The following CSMD1 variants were observed in gnomAD, a reference collection of about 807,000 sequenced individuals.
CSMD1 encodes the protein CUB and sushi domain-containing protein 1.
CSMD1 carries 213 observed loss-of-function variants against 417.5 expected under a neutral mutation model. The ratio of observed to expected loss-of-function variants is 0.51; its 90% CI spans 0.46 to 0.57. The LOEUF is 0.57. Ranked by LOEUF, CSMD1 falls within the 20% of genes least tolerant of loss-of-function variation. CSMD1 has a pLI of 0.00. For synonymous variants in CSMD1, 2,862 were observed against 1,736.8 expected (o/e 1.65, Z -16.11); for missense variants, 6,923 against 4,529.7 (o/e 1.53, Z -15.17).
At chr8:3,768,473 C>G (rs1798404854) in intron 5 of CSMD1, among the ~76,000 whole-genome samples, 1 of 151,892 alleles carries the variant, frequency 6.6e-6, no homozygotes, top group Non-Finnish European at 1.5e-5. Context: ...ATATTTTTTT[C>G]TGAAAATTTC....
intron 1 of CSMD1, among the ~76,000 whole-genome samples, chr8:4,881,451 C>CTA (rs1306873319): frequency 2.1e-5 from 1 of 48,526 alleles, no homozygotes; most frequent in Non-Finnish European, 6.3e-5. Context: ...ATCTATCTAT[C>CTA]TATCTATCTA....
In CSMD1 at chr8:4,423,465, A is replaced by G. The variant is rs1240011908; in HGVS notation, c.303-3400T>C. On this transcript the variant is annotated intron_variant, in intron 2 of 69. Coordinates refer to ENST00000635120, the MANE Select transcript of CSMD1 (RefSeq NM_033225.6). ...GAAATACATCAATCACAACAGCTCA[A>G]AGAAAAGCTTCTGTATAAATACAAT... 3.9e-5 allele frequency among the ~76,000 whole-genome samples: 6 copies of G among 152,086 alleles called. No individual in the cohort carries two copies. In the East Asian group the frequency reaches 5.8e-4, roughly 15 times the overall value.
At chr8:4,138,044 ATTTTTTTTTTTTTTTTTTTTTTTTTTTT>A (rs55993904) in intron 3 of CSMD1, among the ~76,000 whole-genome samples, 25 of 62,706 alleles carry the variant, frequency 4.0e-4, no homozygotes, top group Admixed American at 1.8e-3. Context: ...TGCCCGGCTA[ATTTTTTTTTTTTTTTTTTTTTTTTTTTT>A]TTTTTTTTTT....
At chr8:4,467,750 A>C (rs144399739) in intron 2 of CSMD1, among the ~76,000 whole-genome samples, 3 of 152,214 alleles carry the variant, frequency 2.0e-5, no homozygotes, top group South Asian at 2.1e-4. Flanking sequence ...AAAGCTAACA[A>C]AATATTTACC....
intron 3 of CSMD1, among the ~76,000 whole-genome samples, chr8:4,078,326 T>TTC (rs1467297870): frequency 7.7e-4 from 116 of 151,036 alleles, no homozygotes; most frequent in African/African-American, 2.8e-3. Flanking sequence ...TTTTTTTTTT[T>TTC]TTTTTTGAGA....
chr8:3,123,053 C>T (rs1232792540), intron 41 of CSMD1, among the ~76,000 whole-genome samples: 4 of 152,128 alleles, frequency 2.6e-5, no homozygotes, highest in Non-Finnish European at 4.4e-5. Context: ...GCTACAGTGG[C>T]GTGTCCCTCA....
rs1585074767 is a variant in CSMD1, at chr8:2,973,119, T to C, written c.8921A>G (p.Glu2974Gly). The change falls in exon 57 of 70, where the codon GAG (glutamate) becomes GGG (glycine). Residue 2974 changes from glutamate to glycine, a missense_variant and splice_region_variant. By Grantham distance (98) the Glu-to-Gly change is moderately conservative. Transcript: ENST00000635120. ...CCTTAAGGCTTCTGGCTACTCACCCTCACACACCGGCTGCAGTCCTGACCA... is the reference window on the plus strand; with the variant it reads ...CCTTAAGGCTTCTGGCTACTCACCCCCACACACCGGCTGCAGTCCTGACCA... ...GSWSGLQPVC[E>G]AVSCGNPGTP... 2 of 1,613,436 alleles carry C rather than the reference T, an allele frequency of 1.2e-6. No individual in the cohort carries two copies. The highest frequency in any genetic ancestry group is 4.5e-5 in the East Asian group (2 of 44,854).
At chr8:3,475,189 T>G (rs1040882920) in intron 11 of CSMD1, among the ~76,000 whole-genome samples, 1 of 141,648 alleles carries the variant, frequency 7.1e-6, no homozygotes, top group Non-Finnish European at 1.5e-5. Context: ...GAAGCCAGAT[T>G]AGGATTTTTG....
At chr8:4,629,448 C>G (rs1216056988) in intron 2 of CSMD1, among the ~76,000 whole-genome samples, 2 of 152,218 alleles carry the variant, frequency 1.3e-5, no homozygotes, top group East Asian at 3.9e-4. Flanking sequence ...TATATTTTAC[C>G]TGCTTTTCAA....
intron 2 of CSMD1, among the ~76,000 whole-genome samples, chr8:4,555,676 G>A (rs1230119599): frequency 6.6e-6 from 1 of 152,168 alleles, no homozygotes; most frequent in African/African-American, 2.4e-5. Context: ...CAGCAATGGA[G>A]AGGAATAAGT....
At chr8:3,128,413 C>G (rs185155993) in intron 41 of CSMD1, 1 of 158,324 alleles carries the variant, frequency 6.3e-6, no homozygotes, top group East Asian at 1.8e-4. Flanking sequence ...CATCTCTGAC[C>G]TTTACATGGT....
chr8:4,385,533 C>T (rs563359469), intron 3 of CSMD1, among the ~76,000 whole-genome samples: 2 of 152,222 alleles, frequency 1.3e-5, no homozygotes, highest in African/African-American at 4.8e-5. Flanking sequence ...ATATTAATCT[C>T]CTTTCATTTT....
At chr8:3,493,313 G>T (rs12676488) in intron 11 of CSMD1, among the ~76,000 whole-genome samples, 2 of 82,424 alleles carry the variant, frequency 2.4e-5, no homozygotes, top group South Asian at 9.0e-4. Flanking sequence ...AAAAAAAAAA[G>T]GGGGGGCGGA....
At chr8:4,769,145 T>A (rs1796480103) in intron 1 of CSMD1, among the ~76,000 whole-genome samples, 1 of 152,206 alleles carries the variant, frequency 6.6e-6, no homozygotes, top group Non-Finnish European at 1.5e-5. Flanking sequence ...GACCATTTAT[T>A]TCACCTTTCT....
intron 1 of CSMD1, among the ~76,000 whole-genome samples, chr8:4,723,230 A>G (rs982619759): frequency 6.6e-6 from 1 of 152,102 alleles, no homozygotes; most frequent in Non-Finnish European, 1.5e-5. Flanking sequence ...GCTCCTTTTA[A>G]AGACATTTCA....
intron 3 of CSMD1, among the ~76,000 whole-genome samples, chr8:4,085,902 G>A (rs993576923): frequency 2.0e-5 from 3 of 152,090 alleles, no homozygotes; most frequent in Admixed American, 6.6e-5. Flanking sequence ...TTTGTGAGAT[G>A]TTACCATTGC....
At chr8:3,999,339 C>A (rs547220682) in intron 4 of CSMD1, among the ~76,000 whole-genome samples, 2 of 152,114 alleles carry the variant, frequency 1.3e-5, no homozygotes, top group Non-Finnish European at 1.5e-5. Context: ...ATATCTTCGA[C>A]CCTACCCACC....
intron 4 of CSMD1, among the ~76,000 whole-genome samples, chr8:4,001,923 C>G (rs1432201651): frequency 6.6e-6 from 1 of 152,050 alleles, no homozygotes; most frequent in Non-Finnish European, 1.5e-5. Flanking sequence ...AACCTTATGA[C>G]TATTGCATTT....
chr8:4,238,911 T>A (rs529562932), intron 3 of CSMD1, among the ~76,000 whole-genome samples: 98 of 152,192 alleles, frequency 6.4e-4, no homozygotes, highest in Non-Finnish European at 1.2e-3. Context: ...TAGGTTAAAT[T>A]TATTAATAGT....
Sources: allele counts gnomAD v4.1 joint callset (sites outside exome capture counted in the v4.1 genomes callset), GRCh38; gene constraint gnomAD v4.1.1; transcripts MANE v1.5; gene names NCBI Gene and HGNC (gene_info 2026-07-23, HGNC 2026-07-21).